Variants in ACLY observed in about 807,000 individuals in gnomAD.
The protein encoded by ACLY is ATP citrate lyase.
Under a neutral mutation model 133.0 loss-of-function variants are expected in ACLY, and 41 were observed. That is an observed-to-expected ratio of 0.31 (90% CI 0.24 to 0.40). The LOEUF (loss-of-function observed/expected upper bound fraction) is 0.40. Among genes scored for constraint, ACLY ranks in the 10% least tolerant of loss-of-function variants. The pLI is 1.00. For synonymous variants in ACLY, 495 were observed against 549.3 expected, an observed-to-expected ratio of 0.90 and a Z score of 1.38; for missense variants, 1,046 against 1,453.8, an observed-to-expected ratio of 0.72 and a Z score of 4.56.
rs34078258 is a variant in ACLY at position 41,882,367 on chromosome 17, CAAAAAAAAAAAAAAA to C, written c.2265+740_2265+754del. On this transcript the variant is annotated intron_variant, in intron 20 of 28. Coordinates refer to ENST00000352035, the MANE Select transcript of ACLY (RefSeq NM_001096.3). ...GGGCGACAGAGTGAGACCCTGTCTCCAAAAAAAAAAAAAAAAAAAAAAAAAAAAAAGTTGTTTCCA... is the reference window on the plus strand; with the variant it reads ...GGGCGACAGAGTGAGACCCTGTCTCCAAAAAAAAAAAAAAAGTTGTTTCCA... Among the ~76,000 whole-genome samples the C allele has an allele frequency of 9.7e-4, 39 of 40,252 alleles. 1 individual carries two copies. Among genetic ancestry groups the C allele is most frequent in the East Asian group, 9.9e-4 (1 of 1,012 alleles). The allele number at this position is 40,252 out of a possible 152,430, so 26.4% of individuals were successfully genotyped here. A position where few individuals can be genotyped will look rare whatever the true frequency, so the allele number is the denominator to read the frequency against.
chr17:41,913,742 C>A lies in ACLY; in HGVS notation c.132G>T (p.Leu44=), dbSNP rs373641139. Residue 44 remains leucine, a synonymous_variant, in exon 2 of 29, where the codon CTG becomes CTT. Transcript: ENST00000352035. The stretch of plus-strand genomic sequence containing the variant: ...GGCTGAGCAGCCAGGGGTGGTCCTG[C>A]AGCAAGCGGGCCCAGTCTGTGTCAG... ...VTPDTDWARL[L]QDHPWLLSQN... 9 of 1,614,056 alleles carry A rather than the reference C, an allele frequency of 5.6e-6. No individual in the cohort carries two copies. The African/African-American group carries it at 9.3e-5, about 17-fold the overall frequency.
At chr17:41,919,013 A>G, upstream of ACLY, 1 of 1,284,712 alleles carries the variant, frequency 7.8e-7, no homozygotes, top group Non-Finnish European at 1.0e-6. Context: ...CCCCGCCCCC[A>G]TCGGCTCGCG....
intron 13 of ACLY, 44 bp downstream of exon 13, chr17:41,897,705 G>A (rs782786831): frequency 9.6e-6 from 15 of 1,562,136 alleles, no homozygotes; most frequent in African/African-American, 1.4e-5. Context: ...AGAGGGTACC[G>A]CAAGGCCACT....
intron 3 of ACLY, 126 bp downstream of exon 3, chr17:41,912,294 G>T: frequency 7.5e-7 from 1 of 1,325,996 alleles, no homozygotes; most frequent in Non-Finnish European, 1.0e-6. Flanking sequence ...AGCGCCACAG[G>T]ACTCCTGCCT....
rs117619839 is a variant in ACLY, at chr17:41,896,591, G to A, written c.1459+29C>T. 2.6e-3 allele frequency: 3,951 copies of A among 1,533,886 alleles called. 10 individuals are homozygous for A. The highest frequency in any genetic ancestry group is 3.2e-3 in the Non-Finnish European group (3,601 of 1,140,222). On this transcript the variant is annotated intron_variant, in intron 14 of 28. Transcript: ENST00000352035. The stretch of plus-strand genomic sequence containing the variant: ...GTCACCCGCTAACAAAGCCACACGC[G>A]GAGTGGGGGCAGGGTGGGGGCATCC...
At chr17:41,912,879 G>A (rs2049945121) in intron 2 of ACLY, among the ~76,000 whole-genome samples, 1 of 152,162 alleles carries the variant, frequency 6.6e-6, no homozygotes, top group Admixed American at 6.5e-5. Flanking sequence ...CTCAGAATAT[G>A]GACCAGAACA....
chr17:41,876,867 C>T (rs1197064055), intron 22 of ACLY, among the ~76,000 whole-genome samples: 1 of 151,050 alleles, frequency 6.6e-6, no homozygotes, highest in Non-Finnish European at 1.5e-5. Flanking sequence ...ATGACCCTGC[C>T]AAATCCCCCT....
At chr17:41,877,589 G>A (rs1161822148) in intron 22 of ACLY, among the ~76,000 whole-genome samples, 1 of 152,036 alleles carries the variant, frequency 6.6e-6, no homozygotes, top group African/African-American at 2.4e-5. Flanking sequence ...GTGTCAACTT[G>A]ACTGGATTGA....
intron 26 of ACLY, 31 bp from the exon 27 acceptor site, chr17:41,869,156 T>C: frequency 6.5e-7 from 1 of 1,545,228 alleles, no homozygotes; most frequent in Non-Finnish European, 8.9e-7. Flanking sequence ...AAAGCATTTA[T>C]CATTATTTCT....
chr17:41,895,631 C>T (rs1555630192), intron 14 of ACLY, among the ~76,000 whole-genome samples: 2 of 152,232 alleles, frequency 1.3e-5, no homozygotes, highest in African/African-American at 4.8e-5. Context: ...TCATAACCCT[C>T]CTCCCCTTCA....
At chr17:41,915,896 C>T (rs1177391637) in intron 1 of ACLY, among the ~76,000 whole-genome samples, 4 of 152,176 alleles carry the variant, frequency 2.6e-5, no homozygotes, top group Non-Finnish European at 5.9e-5. Flanking sequence ...ATTCAGACTC[C>T]TTCCATAACT....
upstream of ACLY, among the ~76,000 whole-genome samples, chr17:41,922,368 G>T (rs542254864): frequency 2.2e-3 from 96 of 44,348 alleles, no homozygotes; most frequent in African/African-American, 9.6e-3. Flanking sequence ...GACAGAGCGA[G>T]ACAAAAAAAA....
At chr17:41,922,370 CAAAAAAA>C (rs1164362085), upstream of ACLY, among the ~76,000 whole-genome samples, 427 of 30,930 alleles carry the variant, frequency 0.014, 4 homozygotes, top group African/African-American at 0.043. Context: ...CAGAGCGAGA[CAAAAAAA>C]AAAAAAAAAA....
intron 1 of ACLY, among the ~76,000 whole-genome samples, chr17:41,929,543 A>C (rs1203097562): frequency 6.6e-6 from 1 of 152,114 alleles, no homozygotes; most frequent in Non-Finnish European, 1.5e-5. Context: ...CATCTCCCTC[A>C]CAGGCACACA....
At chr17:41,917,068 C>T (rs782325418) in intron 1 of ACLY, among the ~76,000 whole-genome samples, 12 of 133,686 alleles carry the variant, frequency 9.0e-5, no homozygotes, top group East Asian at 2.3e-4. Flanking sequence ...ACCCAGGAGG[C>T]GGAGGTTGCA....
At position 41,898,804 on chromosome 17, in the gene ACLY, A is replaced by T; in HGVS notation, c.1184-19T>A. 7 of 1,608,350 alleles carry T rather than the reference A, an allele frequency of 4.4e-6. No individual in the cohort carries two copies. Among genetic ancestry groups the T allele is most frequent in the Non-Finnish European group, 5.9e-6 (7 of 1,177,232 alleles). ...GTCTTCCCTGCAAGGGAAGGAAAAA[A>T]AAATCCATAATTCAAGTCTGCAGAT... On this transcript the variant is annotated intron_variant, in intron 11 of 28. Transcript: ENST00000352035.
chr17:41,896,676 T>C (rs1555630449), intron 13 of ACLY, 27 bp from the exon 14 acceptor site: 12 of 1,560,050 alleles, frequency 7.7e-6, no homozygotes, highest in Non-Finnish European at 9.6e-6. Context: ...CCAAGGCAAC[T>C]GAGTGACCCA....
upstream of ACLY, among the ~76,000 whole-genome samples, chr17:41,921,024 G>A (rs2050174855): frequency 6.6e-6 from 1 of 151,874 alleles, no homozygotes; most frequent in Admixed American, 6.6e-5. Flanking sequence ...AACCCAGGAG[G>A]CGGAGGCAGG....
chr17:41,928,832 G>A (rs1397569315), intron 1 of ACLY, among the ~76,000 whole-genome samples: 2 of 140,104 alleles, frequency 1.4e-5, no homozygotes, highest in African/African-American at 5.2e-5. Flanking sequence ...CAGCCTGAGT[G>A]ACAGAGTGAG....
Sources: allele counts gnomAD v4.1 joint callset (sites outside exome capture counted in the v4.1 genomes callset), GRCh38; gene constraint gnomAD v4.1.1; transcripts MANE v1.5; gene names NCBI Gene and HGNC (gene_info 2026-07-23, HGNC 2026-07-21).